ZNF334: variants seen among roughly 807,000 people sequenced by gnomAD.
The protein encoded by ZNF334 is zinc finger protein 334.
A neutral mutation model predicts 12.4 loss-of-function variants in ZNF334; 14 were observed. That is an observed-to-expected ratio of 1.13 (90% confidence interval 0.74 to 1.76). ZNF334 has a LOEUF of 1.76. ZNF334 is among the 40% of genes most tolerant of loss of function. ZNF334 has a pLI of 0.00. For synonymous variants in ZNF334, 273 were observed against 269.6 expected, an observed-to-expected ratio of 1.01 and a Z score of -0.12; for missense variants, 797 against 804.5, an observed-to-expected ratio of 0.99 and a Z score of 0.11.
chr20:46,506,063 CAA>C, intron 2 of ZNF334: 1 of 311,806 alleles, frequency 3.2e-6, no homozygotes, highest in Non-Finnish European at 5.8e-6. Flanking sequence ...GAAAACAAAA[CAA>C]AAAAGAGAAT....
At chr20:46,497,748 T>C (rs548070486), downstream of ZNF334, among the ~76,000 whole-genome samples, 3 of 152,340 alleles carry the variant, frequency 2.0e-5, no homozygotes, top group South Asian at 6.2e-4. Context: ...CACCAATTTA[T>C]AAAACTCTCT....
At chr20:46,466,861 T>A in the ZNF334 span, among the ~76,000 whole-genome samples, 1 of 152,216 alleles carries the variant, frequency 6.6e-6, no homozygotes, top group African/African-American at 2.4e-5. Context: ...ATATCTAGGA[T>A]GGGTATCAGT....
At chr20:46,484,405 C>T in the ZNF334 span, 255 of 167,084 alleles carry the variant, frequency 1.5e-3, 2 homozygotes, top group East Asian at 0.031. Flanking sequence ...TGAAAGATAT[C>T]TACCAGAGGC....
Position 46,508,714 on chromosome 20 carries a change from T to C in ZNF334, c.21+3368A>G, listed in dbSNP as rs181858688. 2.4e-4 allele frequency among the ~76,000 whole-genome samples: 36 copies of C among 152,270 alleles called. No homozygotes were observed. In the East Asian group the frequency reaches 7.0e-3, roughly 29 times the overall value. On this transcript the variant is annotated intron_variant, in intron 2 of 4. Transcript: ENST00000692313. ...TGGTGGAAGGAGAGGGAAGGAAGGA[T>C]GGTAGAGACACTGCAACATGCAGGA... is the stretch of plus-strand genomic sequence containing the variant.
the ZNF334 span, among the ~76,000 whole-genome samples, chr20:46,478,148 T>A: frequency 1.8e-3 from 279 of 152,314 alleles, 1 homozygote; most frequent in Middle Eastern, 6.8e-3. Context: ...TGTAAAACAT[T>A]TGAAGAGATT....
chr20:46,484,404 T>C, the ZNF334 span: 4 of 167,184 alleles, frequency 2.4e-5, no homozygotes, highest in East Asian at 5.8e-4. Context: ...TTGAAAGATA[T>C]CTACCAGAGG....
the ZNF334 span, chr20:46,463,846 G>A: frequency 2.9e-3 from 1,177 of 404,430 alleles, 4 homozygotes; most frequent in Non-Finnish European, 4.9e-3. Flanking sequence ...ACAGGGGACT[G>A]CTGCTGTCTG....
chr20:46,504,654 CCTGTACAGGAGCCT>C lies in ZNF334; in HGVS notation c.94_107del (p.Arg32GlyfsTer18), dbSNP rs1673471174. On this transcript the variant is annotated frameshift_variant, in exon 3 of 5. Transcript: ENST00000692313. LOFTEE classifies it high-confidence loss of function. The stretch of plus-strand genomic sequence containing the variant: ...TGCTGTAGTTCTCCAGCATCACATC[CCTGTACAGGAGCCT>C]CTGAGCAGGGTCCAGTTGCTGCCAT... 6.2e-7 allele frequency: 1 copy of C among 1,611,100 alleles called. No individual in the cohort carries two copies. Among genetic ancestry groups the C allele is most frequent in the African/African-American group, 1.3e-5 (1 of 74,658 alleles).
At chr20:46,483,722 T>C in the ZNF334 span, among the ~76,000 whole-genome samples, 1 of 152,190 alleles carries the variant, frequency 6.6e-6, no homozygotes, top group African/African-American at 2.4e-5. Flanking sequence ...TCTGTGCTGA[T>C]GACATTCCTA....
chr20:46,462,986 C>T, the ZNF334 span, among the ~76,000 whole-genome samples: 1 of 152,208 alleles, frequency 6.6e-6, no homozygotes, highest in African/African-American at 2.4e-5. Context: ...GTGGCTCACG[C>T]TTGTAATCCC....
At chr20:46,493,927 C>G in the ZNF334 span, among the ~76,000 whole-genome samples, 3 of 152,076 alleles carry the variant, frequency 2.0e-5, no homozygotes, top group Non-Finnish European at 4.4e-5. Context: ...GAGACTGTCT[C>G]AAAGCCAAAA....
the ZNF334 span, among the ~76,000 whole-genome samples, chr20:46,483,184 T>C: frequency 1.1e-4 from 17 of 152,208 alleles, no homozygotes; most frequent in Non-Finnish European, 2.2e-4. Flanking sequence ...GCTAATATAA[T>C]GCGCATTTAA....
the ZNF334 span, among the ~76,000 whole-genome samples, chr20:46,471,998 A>G: frequency 6.6e-6 from 1 of 152,232 alleles, no homozygotes; most frequent in African/African-American, 2.4e-5. Context: ...GAATTTATCA[A>G]TTAACTTGTC....
Position 46,512,832 on chromosome 20 carries a change from GTT to G in ZNF334, c.-333_-332del, listed in dbSNP as rs1164563989. On this transcript the variant is annotated 5_prime_UTR_variant, in exon 1 of 5. The change abolishes the stop of an existing upstream ORF in the 5' untranslated region. Coordinates refer to ENST00000692313, the MANE Select transcript of ZNF334 (RefSeq NM_001353824.2). ...CGTAATTTTAATATAAGATAAATTG[GTT>G]TTTAGTCTTTCCTTTACCCCTATCG... is the stretch of plus-strand genomic sequence containing the variant. The G allele has an allele frequency of 6.6e-6, 1 of 152,236 alleles. No individual in the cohort carries two copies. The allele number at this position is 152,236 out of a possible 1,614,324, so 9.4% of individuals were successfully genotyped here. A position where few individuals can be genotyped will look rare whatever the true frequency, so the allele number is the denominator to read the frequency against.
the ZNF334 span, chr20:46,463,974 C>T: frequency 3.3e-6 from 2 of 607,386 alleles, no homozygotes; most frequent in South Asian, 1.4e-5. Context: ...GTTCATCGTC[C>T]CCATCTGCCA....
chr20:46,486,970 A>AT, the ZNF334 span, among the ~76,000 whole-genome samples: 1 of 151,516 alleles, frequency 6.6e-6, no homozygotes, highest in Non-Finnish European at 1.5e-5. Context: ...TCATTTTCTA[A>AT]TTTTTTTTCT....
downstream of ZNF334, among the ~76,000 whole-genome samples, chr20:46,498,762 G>A (rs928026653): frequency 1.1e-4 from 17 of 152,186 alleles, no homozygotes. Flanking sequence ...TTGGAAATAG[G>A]ATTGTTGCAG....
chr20:46,506,063 C>G (rs1269125260), intron 2 of ZNF334: 2 of 311,692 alleles, frequency 6.4e-6, no homozygotes, highest in Non-Finnish European at 1.2e-5. Flanking sequence ...GAAAACAAAA[C>G]AAAAAAGAGA....
chr20:46,498,874 C>A (rs2061067806), downstream of ZNF334, among the ~76,000 whole-genome samples: 1 of 152,128 alleles, frequency 6.6e-6, no homozygotes, highest in Non-Finnish European at 1.5e-5. Flanking sequence ...AACATGCACA[C>A]TTAGAATGCC....
Sources: gnomAD v4.1 joint callset for allele counts (sites outside exome capture counted in the v4.1 genomes callset) on GRCh38, gnomAD v4.1.1 for gene constraint, MANE v1.5 for transcripts, NCBI Gene and HGNC (gene_info 2026-07-23, HGNC 2026-07-21) for gene names.